Variants in EYS observed in about 807,000 individuals in gnomAD.
The protein encoded by EYS is EGF-like photoreceptor maintenance factor, also known as protein eyes shut homolog.
In EYS, 250 loss-of-function variants were observed where a neutral mutation model predicts 282.1. The observed-to-expected ratio is 0.89, with a 90% confidence interval of 0.80 to 0.98. The LOEUF is 0.98. Ranked by LOEUF, EYS falls within the 50% of genes least tolerant of loss-of-function variation. The probability of loss-of-function intolerance (pLI) is 0.00; values close to 1 mark genes in which losing one functional copy is unlikely to be tolerated. For synonymous variants in EYS, 1,355 were observed against 1,282.9 expected (o/e 1.06, Z -1.20); for missense variants, 4,016 against 3,709.0 (o/e 1.08, Z -2.15).
intron 15 of EYS, among the ~76,000 whole-genome samples, chr6:64,914,663 A>G (rs1051744392): frequency 1.3e-5 from 2 of 152,142 alleles, no homozygotes; most frequent in African/African-American, 4.8e-5. Context: ...ATTGAATTCT[A>G]AATCGATATA....
At chr6:64,915,390 A>G (rs549649355) in intron 15 of EYS, among the ~76,000 whole-genome samples, 1 of 152,152 alleles carries the variant, frequency 6.6e-6, no homozygotes, top group Non-Finnish European at 1.5e-5. Flanking sequence ...AATGTTGACA[A>G]TACTATAAGA....
chr6:64,508,549 T>C (rs1398876041), intron 26 of EYS, among the ~76,000 whole-genome samples: 1 of 140,558 alleles, frequency 7.1e-6, no homozygotes, highest in Admixed American at 7.0e-5. Flanking sequence ...CTTTTCTAAG[T>C]ATTTATTATT....
At chr6:65,275,926 A>G (rs549200997) in intron 12 of EYS, among the ~76,000 whole-genome samples, 72 of 152,164 alleles carry the variant, frequency 4.7e-4, no homozygotes, top group Non-Finnish European at 9.1e-4. Flanking sequence ...CTATCCATGC[A>G]CTTACCAAAT....
At chr6:65,160,236 C>T (rs1388235575) in intron 12 of EYS, among the ~76,000 whole-genome samples, 2 of 150,870 alleles carry the variant, frequency 1.3e-5, no homozygotes, top group South Asian at 4.1e-4. Flanking sequence ...GGTCATGTAA[C>T]TTTCAGTTTT....
intron 41 of EYS, among the ~76,000 whole-genome samples, chr6:63,727,862 G>T (rs1182423396): frequency 2.7e-5 from 4 of 146,504 alleles, no homozygotes; most frequent in African/African-American, 7.7e-5. Flanking sequence ...GGGGGTGGAG[G>T]TTGCAGTAAG....
At chr6:64,893,622 A>G (rs1044866203) in intron 18 of EYS, among the ~76,000 whole-genome samples, 9 of 152,034 alleles carry the variant, frequency 5.9e-5, no homozygotes, top group African/African-American at 2.2e-4. Context: ...TAATCTGTGA[A>G]AGATTTTAAT....
chr6:64,745,587 G>C (rs1431966749), intron 22 of EYS, among the ~76,000 whole-genome samples: 1 of 152,030 alleles, frequency 6.6e-6, no homozygotes, highest in Admixed American at 6.6e-5. Flanking sequence ...TTTAAAACTT[G>C]TTAGCCACTG....
chr6:64,625,053 G>T (rs1767561650), intron 23 of EYS, among the ~76,000 whole-genome samples: 1 of 152,018 alleles, frequency 6.6e-6, no homozygotes, highest in Admixed American at 6.6e-5. Context: ...TTTTTTAAGT[G>T]ACCAGAAATA....
chr6:65,267,450 T>A (rs1179942105), intron 12 of EYS, among the ~76,000 whole-genome samples: 1 of 151,990 alleles, frequency 6.6e-6, no homozygotes, highest in Non-Finnish European at 1.5e-5. Flanking sequence ...TTCGTCATAG[T>A]ACATTGCCTG....
At position 64,155,117 on chromosome 6, in the gene EYS, C is replaced by T. The variant is rs12192384; in HGVS notation, c.6425-73115G>A. ...CATCTGCATGCATTACTGAGAGAGG[C>T]GGTCTGTGAAGGATAAACTTAACCT... On this transcript the variant is annotated intron_variant, in intron 31 of 42. Coordinates refer to ENST00000503581, the MANE Select transcript of EYS (RefSeq NM_001142800.2). Among the ~76,000 whole-genome samples, 698 of 152,154 alleles carry T rather than the reference C, an allele frequency of 4.6e-3. 4 individuals carry two copies. Among genetic ancestry groups the T allele is most frequent in the Non-Finnish European group, 8.3e-3 (563 of 68,002 alleles).
chr6:63,845,872 C>A (rs1295039741), intron 36 of EYS, among the ~76,000 whole-genome samples: 1 of 152,120 alleles, frequency 6.6e-6, no homozygotes, highest in Non-Finnish European at 1.5e-5. Flanking sequence ...TTGTATAATT[C>A]CCTAGCTATC....
At chr6:64,486,254 T>C (rs1271114685) in intron 26 of EYS, among the ~76,000 whole-genome samples, 3 of 151,416 alleles carry the variant, frequency 2.0e-5, no homozygotes, top group Non-Finnish European at 4.4e-5. Context: ...AAATGACATA[T>C]CACAATCAAT....
chr6:65,643,035 A>T (rs1767331592), intron 1 of EYS, among the ~76,000 whole-genome samples: 1 of 152,178 alleles, frequency 6.6e-6, no homozygotes, highest in Non-Finnish European at 1.5e-5. Context: ...GAATTATCTG[A>T]CCCTTTGAAG....
chr6:63,993,471 T>G (rs1306893404), intron 34 of EYS, among the ~76,000 whole-genome samples: 2 of 151,820 alleles, frequency 1.3e-5, no homozygotes, highest in Admixed American at 1.3e-4. Context: ...GCCAACAAAT[T>G]TAGCAAAATT....
chr6:65,008,386 GA>G (rs1436050224), intron 13 of EYS, among the ~76,000 whole-genome samples: 1 of 152,012 alleles, frequency 6.6e-6, no homozygotes, highest in African/African-American at 2.4e-5. Context: ...GCAAAACTTA[GA>G]AACCCTATTG....
At chr6:64,091,175 T>C (rs1369238159) in intron 31 of EYS, among the ~76,000 whole-genome samples, 2 of 152,236 alleles carry the variant, frequency 1.3e-5, no homozygotes, top group South Asian at 2.1e-4. Context: ...TCCATTAATA[T>C]ACTTAAAGCA....
chr6:64,762,139 A>G (rs878992148), intron 22 of EYS, among the ~76,000 whole-genome samples: 1 of 152,238 alleles, frequency 6.6e-6, no homozygotes, highest in South Asian at 2.1e-4. Context: ...CAATTTATAC[A>G]TGTAACTAAA....
chr6:63,728,158 T>A (rs1768689533), intron 41 of EYS, among the ~76,000 whole-genome samples: 3 of 152,194 alleles, frequency 2.0e-5, no homozygotes, highest in Admixed American at 1.3e-4. Context: ...TAACATTTTT[T>A]AAGTGAAATT....
At chr6:65,219,800 C>A (rs1766412948) in intron 12 of EYS, among the ~76,000 whole-genome samples, 1 of 152,076 alleles carries the variant, frequency 6.6e-6, no homozygotes, top group Admixed American at 6.6e-5. Context: ...AAAGGTACAT[C>A]TTACATGGCG....
Sources: allele counts gnomAD v4.1 joint callset (sites outside exome capture counted in the v4.1 genomes callset), GRCh38; gene constraint gnomAD v4.1.1; transcripts MANE v1.5; gene names NCBI Gene and HGNC (gene_info 2026-07-23, HGNC 2026-07-21).